The following LOXL2 variants were observed in gnomAD, a reference collection of about 807,000 sequenced individuals.
The protein encoded by LOXL2 is lysyl oxidase like 2, also known as lysyl oxidase homolog 2.
In LOXL2, 70 loss-of-function variants were observed where a neutral mutation model predicts 93.0. The observed-to-expected ratio is 0.75, with a 90% CI of 0.62 to 0.92. The LOEUF (loss-of-function observed/expected upper bound fraction) is 0.92, where lower values mean the gene tolerates loss of function less well. Ranked by LOEUF, LOXL2 falls within the 40% of genes least tolerant of loss-of-function variation. The pLI is 0.00. For synonymous variants in LOXL2, 438 were observed against 413.2 expected, an observed-to-expected ratio of 1.06 and a Z score of -0.73; for missense variants, 973 against 1,054.9, an observed-to-expected ratio of 0.92 and a Z score of 1.08.
intron 11 of LOXL2, among the ~76,000 whole-genome samples, chr8:23,302,785 G>A (rs1244700395): frequency 6.6e-6 from 1 of 152,202 alleles, no homozygotes. Context: ...TGCACTAACA[G>A]GTGATCACAG....
rs145297157 is a variant in LOXL2, at chr8:23,303,419, C to T, written c.1881-22G>A. ...GTGCCTGGAGCGAGAGAGAGATGGCCTGGAGGTCAGTTTCTGGAGCAACTG... is the reference window on the plus strand; with the variant it reads ...GTGCCTGGAGCGAGAGAGAGATGGCTTGGAGGTCAGTTTCTGGAGCAACTG... On this transcript the variant is annotated intron_variant, in intron 10 of 13. Coordinates refer to ENST00000389131, the MANE Select transcript of LOXL2 (RefSeq NM_002318.3). The T allele has an allele frequency of 1.2e-5, 17 of 1,426,978 alleles. No individual in the cohort carries two copies. The African/African-American group carries it at 2.2e-4, about 19-fold the overall frequency. The allele number at this position is 1,426,978 out of a possible 1,614,324, so 88.4% of individuals were successfully genotyped here.
intron 10 of LOXL2, among the ~76,000 whole-genome samples, chr8:23,308,332 G>A (rs1341316307): frequency 1.3e-5 from 2 of 152,036 alleles, no homozygotes; most frequent in African/African-American, 4.8e-5. Flanking sequence ...CGGGCCCTGG[G>A]ATTGAGCAGG....
At chr8:23,334,075 C>T (rs774142945) in intron 4 of LOXL2, among the ~76,000 whole-genome samples, 3 of 152,066 alleles carry the variant, frequency 2.0e-5, no homozygotes, top group Non-Finnish European at 4.4e-5. Context: ...GACAGAGTCT[C>T]ACTCTATTCC....
intron 2 of LOXL2, among the ~76,000 whole-genome samples, chr8:23,367,080 GCT>G (rs1159805440): frequency 1.3e-5 from 2 of 152,022 alleles, no homozygotes; most frequent in Non-Finnish European, 2.9e-5. Context: ...ATGGAGTCTC[GCT>G]CTGTCACCCA....
chr8:23,382,755 C>G (rs965157635), intron 1 of LOXL2, among the ~76,000 whole-genome samples: 22 of 152,134 alleles, frequency 1.4e-4, no homozygotes, highest in African/African-American at 5.3e-4. Flanking sequence ...TCTCTGGAAA[C>G]CCTGCTCCAA....
intron 2 of LOXL2, among the ~76,000 whole-genome samples, chr8:23,360,869 C>A (rs935666646): frequency 5.9e-5 from 9 of 152,080 alleles, no homozygotes; most frequent in African/African-American, 2.2e-4. Context: ...AACTCTCCTG[C>A]CACTGAAGGT....
intron 3 of LOXL2, among the ~76,000 whole-genome samples, chr8:23,346,090 ATAAAATAAAATAAAATAAAATAAAAT>A (rs1563197341): frequency 1.1e-5 from 1 of 90,554 alleles, no homozygotes; most frequent in Non-Finnish European, 2.1e-5. Flanking sequence ...AAATAATAAA[ATAAAATAAAATAAAATAAAATAAAAT>A]TAAAATAAAA....
chr8:23,305,868 G>A (rs1194228689), intron 10 of LOXL2, among the ~76,000 whole-genome samples: 1 of 151,978 alleles, frequency 6.6e-6, no homozygotes, highest in Admixed American at 6.6e-5. Context: ...CTGGAGTGCA[G>A]TGGTATGATC....
intron 5 of LOXL2, among the ~76,000 whole-genome samples, chr8:23,329,324 G>C: frequency 6.6e-6 from 1 of 152,316 alleles, no homozygotes; most frequent in Middle Eastern, 3.4e-3. Context: ...AGCCCAATCA[G>C]CTATGCAGAG....
At chr8:23,298,164 T>G in intron 13 of LOXL2, 42 bp from the exon 14 acceptor site, 1 of 1,500,410 alleles carries the variant, frequency 6.7e-7, no homozygotes, top group Non-Finnish European at 9.3e-7. Context: ...ACAAATGAGA[T>G]GCTCGGGCCT....
At chr8:23,332,967 T>C (rs1803729659) in intron 5 of LOXL2, among the ~76,000 whole-genome samples, 1 of 150,952 alleles carries the variant, frequency 6.6e-6, no homozygotes, top group Non-Finnish European at 1.5e-5. Context: ...ATAGATGACT[T>C]AGGATAATGG....
intron 1 of LOXL2, among the ~76,000 whole-genome samples, chr8:23,374,092 CT>C (rs1207400788): frequency 1.8e-5 from 2 of 113,658 alleles, no homozygotes; most frequent in African/African-American, 6.7e-5. Context: ...AATGCTTTCC[CT>C]CCCCCCTCCC....
chr8:23,332,780 A>AC (rs1277750574), intron 5 of LOXL2, among the ~76,000 whole-genome samples: 1 of 34,966 alleles, frequency 2.9e-5, no homozygotes, highest in Non-Finnish European at 5.0e-5. Flanking sequence ...ACACTCATAC[A>AC]CCCCCCCACA....
chr8:23,338,216 TC>T (rs1251912904), intron 4 of LOXL2, among the ~76,000 whole-genome samples: 1 of 152,146 alleles, frequency 6.6e-6, no homozygotes. Context: ...TCCCACTGGG[TC>T]CCTCCCACGA....
At chr8:23,371,786 T>C (rs80065727) in intron 1 of LOXL2, among the ~76,000 whole-genome samples, 1 of 101,888 alleles carries the variant, frequency 9.8e-6, no homozygotes, top group Admixed American at 1.1e-4. Context: ...AAAAAAAAAA[T>C]GCATGGCAAG....
intron 1 of LOXL2, among the ~76,000 whole-genome samples, chr8:23,392,037 T>A (rs1804852431): frequency 6.6e-6 from 1 of 152,320 alleles, no homozygotes; most frequent in South Asian, 2.1e-4. Context: ...TGGCTCTGTA[T>A]ACCTTTCGCA....
At chr8:23,387,365 G>C (rs1025387862) in intron 1 of LOXL2, among the ~76,000 whole-genome samples, 1 of 152,112 alleles carries the variant, frequency 6.6e-6, no homozygotes, top group African/African-American at 2.4e-5. Context: ...CTCGGGGATC[G>C]AGGTATTCCT....
chr8:23,357,950 C>G (rs1804226014), intron 3 of LOXL2, among the ~76,000 whole-genome samples: 1 of 152,146 alleles, frequency 6.6e-6, no homozygotes, highest in Non-Finnish European at 1.5e-5. Context: ...AGATGTTGTT[C>G]CCATTAGGTA....
intron 1 of LOXL2, among the ~76,000 whole-genome samples, chr8:23,377,152 T>C (rs903142738): frequency 7.9e-5 from 12 of 152,296 alleles, no homozygotes; most frequent in East Asian, 1.9e-4. Context: ...TTTGTTCTCA[T>C]TGGTTTCAAA....
Sources: allele counts gnomAD v4.1 joint callset (sites outside exome capture counted in the v4.1 genomes callset), GRCh38; gene constraint gnomAD v4.1.1; transcripts MANE v1.5; gene names NCBI Gene and HGNC (gene_info 2026-07-23, HGNC 2026-07-21).